Variants in TMC1 observed in about 807,000 individuals in gnomAD.
The protein encoded by TMC1 is transmembrane channel-like protein 1.
Under a neutral mutation model 105.8 loss-of-function variants are expected in TMC1, and 84 were observed. The ratio of observed to expected loss-of-function variants is 0.79; its 90% confidence interval spans 0.67 to 0.95. The LOEUF is 0.95. TMC1 is among the 40% of genes least tolerant of loss of function. The pLI, the probability that TMC1 is intolerant of heterozygous loss-of-function variation, is 0.00. For missense variants in TMC1, 817 were observed against 914.1 expected (o/e 0.89, Z 1.37); for synonymous variants, 315 against 311.5 (o/e 1.01, Z -0.12).
rs1828205831 is a variant in TMC1 at position 72,788,387 on chromosome 9, C to A, written c.933C>A (p.Phe311Leu). ...ATGGAGGTGGAGATGACAACACTTT[C>A]AATTTCAGCTGGAAGGTCTTTACCA... The part of the protein sequence containing the change: ...GDDGGGDDNT[F>L]NFSWKVFTSW... Residue 311 changes from phenylalanine (F) to leucine (L), a missense_variant, in exon 14 of 24, where the codon TTC (phenylalanine) becomes TTA (leucine). Coordinates refer to ENST00000297784, the MANE Select transcript of TMC1 (RefSeq NM_138691.3). 1 of 1,613,898 alleles carries A rather than the reference C, an allele frequency of 6.2e-7. No homozygotes were observed. The highest frequency in any genetic ancestry group is 8.5e-7 in the Non-Finnish European group (1 of 1,179,954).
intron 5 of TMC1, among the ~76,000 whole-genome samples, chr9:72,663,580 A>C (rs1478199641): frequency 1.1e-4 from 16 of 152,214 alleles, no homozygotes; most frequent in Non-Finnish European, 7.4e-5. Context: ...GTTAGAAACA[A>C]GATGGAATCT....
chr9:72,685,949 A>G (rs1322705436), intron 5 of TMC1, among the ~76,000 whole-genome samples: 2 of 152,192 alleles, frequency 1.3e-5, no homozygotes, highest in South Asian at 2.1e-4. Flanking sequence ...TACTTTCAGC[A>G]TTATAGATTT....
chr9:72,576,380 C>G lies in TMC1; in HGVS notation c.-427-1522C>G, dbSNP rs556331564. ...TCTTGTCTCTCTCCTCCTCTCTCTT[C>G]CCTCCCCTTTCTCCTTTCTGACCCT... On this transcript the variant is annotated intron_variant, in intron 1 of 23. Coordinates refer to ENST00000297784, the MANE Select transcript of TMC1 (RefSeq NM_138691.3). Among the ~76,000 whole-genome samples, 227 of 151,962 alleles carry G rather than the reference C, an allele frequency of 1.5e-3. 1 individual carries two copies. The highest frequency in any genetic ancestry group is 4.9e-3 in the African/African-American group (205 of 41,464).
intron 5 of TMC1, among the ~76,000 whole-genome samples, chr9:72,657,448 T>C (rs1170201013): frequency 6.6e-6 from 1 of 152,022 alleles, no homozygotes; most frequent in African/African-American, 2.4e-5. Flanking sequence ...AGAATTCCAA[T>C]ACTGTTTTTT....
At chr9:72,793,012 A>G (rs141423041) in intron 17 of TMC1, among the ~76,000 whole-genome samples, 67 of 152,216 alleles carry the variant, frequency 4.4e-4, no homozygotes, top group Middle Eastern at 3.4e-3. Context: ...TTGGGAACCC[A>G]TACTTCTCCC....
At chr9:72,680,620 T>A (rs1826270949) in intron 5 of TMC1, among the ~76,000 whole-genome samples, 1 of 152,132 alleles carries the variant, frequency 6.6e-6, no homozygotes, top group Non-Finnish European at 1.5e-5. Context: ...ACTATGAATC[T>A]AAGTTCTATA....
At chr9:72,559,316 A>G (rs1824003581) in intron 1 of TMC1, among the ~76,000 whole-genome samples, 3 of 152,142 alleles carry the variant, frequency 2.0e-5, no homozygotes, top group Non-Finnish European at 4.4e-5. Flanking sequence ...GGTTGGTCTC[A>G]GACTCCTGAC....
chr9:72,535,234 CA>C (rs1823561573), intron 1 of TMC1, among the ~76,000 whole-genome samples: 1 of 152,168 alleles, frequency 6.6e-6, no homozygotes, highest in Non-Finnish European at 1.5e-5. Context: ...TAGCATGTTA[CA>C]AAGTACCCCG....
intron 2 of TMC1, among the ~76,000 whole-genome samples, chr9:72,609,580 G>A (rs1435412311): frequency 1.3e-5 from 2 of 151,980 alleles, no homozygotes; most frequent in African/African-American, 4.8e-5. Context: ...GGCAATGCAG[G>A]ACTTCCTTGA....
In TMC1 at chr9:72,643,897, G is replaced by A. The variant is rs556076862; in HGVS notation, c.-52-4700G>A. 5.3e-5 allele frequency among the ~76,000 whole-genome samples: 8 copies of A among 152,266 alleles called. No homozygotes were observed. In the East Asian group the frequency reaches 1.2e-3, roughly 22 times the overall value. ...ACCATTTTACATTCCTGGCAGCAGT[G>A]TATGAGAGTTCTAGTTCTTCACCAT... On this transcript the variant is annotated intron_variant, in intron 4 of 23. Coordinates refer to ENST00000297784, the MANE Select transcript of TMC1 (RefSeq NM_138691.3).
chr9:72,553,348 G>GTTA (rs1258080700), intron 1 of TMC1, among the ~76,000 whole-genome samples: 1 of 152,068 alleles, frequency 6.6e-6, no homozygotes. Context: ...TTTCCATGTT[G>GTTA]TTATTATTAT....
chr9:72,764,612 G>A (rs1827803130), intron 12 of TMC1, among the ~76,000 whole-genome samples: 1 of 152,054 alleles, frequency 6.6e-6, no homozygotes, highest in Non-Finnish European at 1.5e-5. Context: ...TTATTGCCAC[G>A]TTACTGTCTT....
chr9:72,527,967 C>T (rs575026747), intron 1 of TMC1, among the ~76,000 whole-genome samples: 4 of 152,282 alleles, frequency 2.6e-5, no homozygotes, highest in Admixed American at 1.3e-4. Context: ...CGATACTTCC[C>T]CCCTCCCCGA....
chr9:72,768,179 T>C (rs1483492892), intron 12 of TMC1, among the ~76,000 whole-genome samples: 1 of 152,090 alleles, frequency 6.6e-6, no homozygotes, highest in African/African-American at 2.4e-5. Context: ...TGCAGGGACA[T>C]GGATGAAGCT....
chr9:72,806,681 G>T (rs908372306), intron 18 of TMC1, among the ~76,000 whole-genome samples: 34 of 148,204 alleles, frequency 2.3e-4, no homozygotes, highest in Non-Finnish European at 3.0e-4. Flanking sequence ...CCGGGCAGAG[G>T]CGCTCCTCAC....
chr9:72,771,659 G>A (rs977719875), intron 12 of TMC1, among the ~76,000 whole-genome samples: 6 of 152,198 alleles, frequency 3.9e-5, no homozygotes, highest in Non-Finnish European at 7.3e-5. Context: ...CAGTAACAGT[G>A]CTTCAATGCT....
At chr9:72,534,241 G>A (rs1823542304) in intron 1 of TMC1, among the ~76,000 whole-genome samples, 1 of 152,182 alleles carries the variant, frequency 6.6e-6, no homozygotes, top group African/African-American at 2.4e-5. Flanking sequence ...GCTGTCTCTT[G>A]TTCTCTCTCT....
chr9:72,590,324 T>C (rs1437111974), intron 2 of TMC1, among the ~76,000 whole-genome samples: 1 of 152,218 alleles, frequency 6.6e-6, no homozygotes, highest in Non-Finnish European at 1.5e-5. Flanking sequence ...GAAATAATTG[T>C]GTAGCTTTCA....
intron 4 of TMC1, among the ~76,000 whole-genome samples, chr9:72,637,567 G>A (rs537566538): frequency 4.4e-4 from 67 of 152,078 alleles, no homozygotes; most frequent in Non-Finnish European, 7.8e-4. Context: ...TTCTTCTAAT[G>A]TCAGTATAGA....
Sources: gnomAD v4.1 joint callset for allele counts (sites outside exome capture counted in the v4.1 genomes callset) on GRCh38, gnomAD v4.1.1 for gene constraint, MANE v1.5 for transcripts, NCBI Gene and HGNC (gene_info 2026-07-23, HGNC 2026-07-21) for gene names.